The following RRAS2 variants were observed in gnomAD, a reference collection of about 807,000 sequenced individuals.
RRAS2 encodes the protein ras-related protein R-Ras2.
Under a neutral mutation model 27.6 loss-of-function variants are expected in RRAS2, and 7 were observed. That is an observed-to-expected ratio of 0.25 (90% CI 0.14 to 0.48). The LOEUF is 0.48. RRAS2 is among the 20% of genes least tolerant of loss of function. The pLI is 0.99. For synonymous variants in RRAS2, 86 were observed against 90.9 expected (o/e 0.95, Z 0.31); for missense variants, 178 against 256.2 (o/e 0.69, Z 2.08).
At chr11:14,331,673 T>TAAAA (rs80130992) in intron 1 of RRAS2, among the ~76,000 whole-genome samples, 11 of 81,582 alleles carry the variant, frequency 1.3e-4, no homozygotes, top group African/African-American at 3.8e-4. Flanking sequence ...CCCCAACTCT[T>TAAAA]AAAAAAAAAA....
intron 1 of RRAS2, among the ~76,000 whole-genome samples, chr11:14,327,810 T>C (rs1337375632): frequency 1.4e-4 from 4 of 28,864 alleles, no homozygotes; most frequent in South Asian, 2.0e-3. Context: ...AACAACTCAA[T>C]AGAGAAAAAA....
At chr11:14,357,236 C>T (rs1849099781) in intron 1 of RRAS2, among the ~76,000 whole-genome samples, 1 of 152,130 alleles carries the variant, frequency 6.6e-6, no homozygotes, top group African/African-American at 2.4e-5. Flanking sequence ...TTAAATAACA[C>T]TACCAATATT....
At chr11:14,287,252 G>A (rs1242265667) in intron 4 of RRAS2, among the ~76,000 whole-genome samples, 4 of 152,108 alleles carry the variant, frequency 2.6e-5, no homozygotes, top group African/African-American at 9.7e-5. Flanking sequence ...AGTTAAGACA[G>A]GTTTGTCTTT....
chr11:14,345,624 G>C (rs530559559), intron 1 of RRAS2, among the ~76,000 whole-genome samples: 2 of 152,256 alleles, frequency 1.3e-5, no homozygotes, highest in African/African-American at 4.8e-5. Context: ...TCTTCCACTT[G>C]CCTCACTGCA....
chr11:14,278,264 A>AGACC lies in RRAS2; in HGVS notation c.*1072_*1073insGGTC, dbSNP rs1179855073. 1 of 152,218 alleles carries AGACC rather than the reference A, an allele frequency of 6.6e-6. No individual in the cohort carries two copies. Among genetic ancestry groups the AGACC allele is most frequent in the African/African-American group, 2.4e-5 (1 of 41,460 alleles). The allele number at this position is 152,218 out of a possible 1,614,324, so 9.4% of individuals were successfully genotyped here. A position where few individuals can be genotyped will look rare whatever the true frequency, so the allele number is the denominator to read the frequency against. The stretch of plus-strand genomic sequence containing the variant: ...TCTTGAGTAGTTATGTGACTGGCCA[A>AGACC]AGATGGGTACAACCAAGACCAGACC... On this transcript the variant is annotated 3_prime_UTR_variant, in exon 6 of 6. Coordinates refer to ENST00000256196, the MANE Select transcript of RRAS2 (RefSeq NM_012250.6).
At chr11:14,309,904 A>C (rs1476996549) in intron 1 of RRAS2, among the ~76,000 whole-genome samples, 1 of 152,250 alleles carries the variant, frequency 6.6e-6, no homozygotes, top group Non-Finnish European at 1.5e-5. Flanking sequence ...TGACTTTCAT[A>C]TGAAAAGTAA....
chr11:14,345,371 T>C (rs1848808483), intron 1 of RRAS2, among the ~76,000 whole-genome samples: 1 of 152,178 alleles, frequency 6.6e-6, no homozygotes, highest in Admixed American at 6.5e-5. Context: ...TAGTCTACGA[T>C]TCTGAAAATG....
intron 1 of RRAS2, among the ~76,000 whole-genome samples, chr11:14,332,549 A>G (rs1160541792): frequency 6.6e-6 from 1 of 152,202 alleles, no homozygotes; most frequent in African/African-American, 2.4e-5. Flanking sequence ...GAAACAAGCA[A>G]TATCATAGAT....
At chr11:14,311,764 A>G (rs1847974092) in intron 1 of RRAS2, among the ~76,000 whole-genome samples, 1 of 152,216 alleles carries the variant, frequency 6.6e-6, no homozygotes, top group African/African-American at 2.4e-5. Context: ...TTTCACAAGA[A>G]CATAGCCATG....
intron 1 of RRAS2, among the ~76,000 whole-genome samples, chr11:14,302,664 G>C (rs1450755713): frequency 1.3e-5 from 2 of 152,184 alleles, no homozygotes; most frequent in African/African-American, 4.8e-5. Context: ...AGCTCACAAA[G>C]TTGCCCCTCG....
chr11:14,340,268 TTGTATTTTTTTAAGCA>T (rs1554953108), intron 1 of RRAS2, among the ~76,000 whole-genome samples: 1 of 151,884 alleles, frequency 6.6e-6, no homozygotes, highest in African/African-American at 2.4e-5. Context: ...AGCTAATTTT[TTGTATTTTTTTAAGCA>T]GAAATGGGGT....
rs1849120064 is a variant in RRAS2 at position 14,358,067 on chromosome 11, C to T, written c.108+696G>A. ...TAGCCCGGCCCATCCCAAACTTCACCTAGGCACGGCGAGAAGCAGGACGGC... is the reference window on the plus strand; with the variant it reads ...TAGCCCGGCCCATCCCAAACTTCACTTAGGCACGGCGAGAAGCAGGACGGC... On this transcript the variant is annotated intron_variant, in intron 1 of 5. Transcript: ENST00000256196. This position sits in a 1 kb window ranked among gnomAD's most constrained non-coding sequence, Gnocchi z 5.1. 6.6e-6 allele frequency among the ~76,000 whole-genome samples: 1 copy of T among 152,190 alleles called. No homozygotes were observed. The highest frequency in any genetic ancestry group is 1.5e-5 in the Non-Finnish European group (1 of 68,026).
At chr11:14,308,449 G>C (rs1554948419) in intron 1 of RRAS2, 2 of 228,170 alleles carry the variant, frequency 8.8e-6, no homozygotes, top group African/African-American at 2.3e-5. Flanking sequence ...CTATAAATGA[G>C]GGGTTTGCCC....
chr11:14,356,737 T>C (rs374618794), intron 1 of RRAS2: 4 of 453,900 alleles, frequency 8.8e-6, no homozygotes, highest in African/African-American at 6.0e-5. Context: ...TACTATACTA[T>C]TCACAGTGGA....
intron 4 of RRAS2, among the ~76,000 whole-genome samples, chr11:14,285,428 C>T (rs782192947): frequency 6.6e-6 from 1 of 152,112 alleles, no homozygotes; most frequent in Non-Finnish European, 1.5e-5. Context: ...CTCCCTCCTG[C>T]TCTTTTTTGT....
At chr11:14,324,633 G>A (rs1443603221) in intron 1 of RRAS2, among the ~76,000 whole-genome samples, 1 of 152,156 alleles carries the variant, frequency 6.6e-6, no homozygotes, top group Non-Finnish European at 1.5e-5. Flanking sequence ...TAAGAGTCAT[G>A]AGAATTTTTT....
chr11:14,348,370 A>G (rs1250607509), intron 1 of RRAS2, among the ~76,000 whole-genome samples: 1 of 152,180 alleles, frequency 6.6e-6, no homozygotes, highest in Admixed American at 6.5e-5. Flanking sequence ...TACTACTCTC[A>G]AACTTTCACA....
chr11:14,356,590 C>A (rs1849077734), intron 1 of RRAS2: 1 of 259,686 alleles, frequency 3.9e-6, no homozygotes, highest in African/African-American at 2.3e-5. Context: ...TTCTCACAGC[C>A]GATAAATGAC....
chr11:14,306,736 C>A (rs537711504), intron 1 of RRAS2, among the ~76,000 whole-genome samples: 1 of 152,160 alleles, frequency 6.6e-6, no homozygotes, highest in East Asian at 1.9e-4. Flanking sequence ...CCCTCTAACA[C>A]CCCATTCCCT....
Sources: gnomAD v4.1 joint callset for allele counts (sites outside exome capture counted in the v4.1 genomes callset) on GRCh38, gnomAD v4.1.1 for gene constraint, Gnocchi (gnomAD v3.1) non-coding constraint, MANE v1.5 for transcripts, NCBI Gene and HGNC (gene_info 2026-07-23, HGNC 2026-07-21) for gene names.